DPT: variants seen among roughly 807,000 people sequenced by gnomAD.
DPT encodes the protein dermatopontin, also known as tyrosine-rich acidic matrix protein.
A neutral mutation model predicts 31.2 loss-of-function variants in DPT; 21 were observed. That is an observed-to-expected ratio of 0.67 (90% CI 0.48 to 0.97). The LOEUF (loss-of-function observed/expected upper bound fraction) is 0.97, where lower values mean the gene tolerates loss of function less well. DPT is among the 50% of genes least tolerant of loss of function. The pLI is 0.00. For synonymous variants in DPT, 91 were observed against 86.9 expected (o/e 1.05, Z -0.26); for missense variants, 262 against 258.8 (o/e 1.01, Z -0.08).
chr1:168,713,105 T>C (rs1054719697), intron 2 of DPT, among the ~76,000 whole-genome samples: 2 of 152,110 alleles, frequency 1.3e-5, no homozygotes, highest in African/African-American at 4.8e-5. Context: ...TTCTACCTCC[T>C]CCACTGCAAG....
At chr1:168,713,444 A>T (rs1192085035) in intron 2 of DPT, among the ~76,000 whole-genome samples, 1 of 152,214 alleles carries the variant, frequency 6.6e-6, no homozygotes, top group South Asian at 2.1e-4. Flanking sequence ...AACTGTAGAG[A>T]GATCAATCAC....
intron 2 of DPT, among the ~76,000 whole-genome samples, chr1:168,707,400 C>T (rs1649746239): frequency 6.6e-6 from 1 of 152,064 alleles, no homozygotes; most frequent in Non-Finnish European, 1.5e-5. Context: ...TAGAGGGAAG[C>T]AGACTAGATA....
Position 168,728,998 on chromosome 1 carries a change from C to T in DPT, c.177G>A (p.Val59=). 3 of 1,614,228 alleles carry T rather than the reference C, an allele frequency of 1.9e-6. No homozygotes were observed. The highest frequency in any genetic ancestry group is 2.5e-6 in the Non-Finnish European group (3 of 1,180,044). Residue 59 remains valine, a synonymous_variant, in exon 1 of 4, where the codon GTG becomes GTA. Transcript: ENST00000367817. ...CTTCCTTCTTGCTGAAGATGCTCCT[C>T]ACGGCCACTATCACCTGCCCCTGGG... ...QCPQGQVIVA[V]RSIFSKKEGS...
intron 3 of DPT, among the ~76,000 whole-genome samples, chr1:168,699,599 T>TAA (rs35423002): frequency 4.7e-5 from 7 of 147,644 alleles, no homozygotes; most frequent in African/African-American, 1.5e-4. Flanking sequence ...TTTTTTTTTT[T>TAA]AAAAAAAAAA....
Position 168,696,268 on chromosome 1 carries a change from T to A in DPT, c.*281A>T, listed in dbSNP as rs1649463687. The A allele has an allele frequency of 2.2e-6, 1 of 460,858 alleles. No individual in the cohort carries two copies. Among genetic ancestry groups the A allele is most frequent in the East Asian group, 3.3e-5 (1 of 30,360 alleles). 28.5% of individuals were successfully genotyped at this position (460,858 alleles called of 1,614,324 possible). On this transcript the variant is annotated 3_prime_UTR_variant, in exon 4 of 4. Transcript: ENST00000367817. ...TGCTCCAGAAGCCCGGCTGTAAGCA[T>A]GCGCACTGTATATGTGGTGTGCAAG... is the stretch of plus-strand genomic sequence containing the variant.
chr1:168,697,324 A>G (rs943708367), intron 3 of DPT, among the ~76,000 whole-genome samples: 1 of 152,200 alleles, frequency 6.6e-6, no homozygotes, highest in Non-Finnish European at 1.5e-5. Flanking sequence ...ACTCTTTCTG[A>G]GCACTTAACA....
intron 2 of DPT, among the ~76,000 whole-genome samples, chr1:168,713,206 C>T (rs1284096991): frequency 6.6e-6 from 1 of 152,170 alleles, no homozygotes; most frequent in African/African-American, 2.4e-5. Context: ...GTAAAAGCTG[C>T]TTTATGGAAG....
chr1:168,722,755 T>G (rs1042386513), intron 1 of DPT, among the ~76,000 whole-genome samples: 1 of 152,068 alleles, frequency 6.6e-6, no homozygotes. Flanking sequence ...ACGACTTGAG[T>G]AAAGGTAGTA....
At chr1:168,722,319 A>G (rs573409242) in intron 1 of DPT, among the ~76,000 whole-genome samples, 2 of 152,374 alleles carry the variant, frequency 1.3e-5, no homozygotes, top group South Asian at 4.1e-4. Flanking sequence ...ATTAAATTAT[A>G]TGTTCCAAAA....
At position 168,719,391 on chromosome 1, in the gene DPT, C is replaced by T. The variant is rs190107955; in HGVS notation, c.306-5045G>A. 3.3e-3 allele frequency among the ~76,000 whole-genome samples: 507 copies of T among 152,290 alleles called. 14 individuals are homozygous for T. The highest frequency in any genetic ancestry group is 7.8e-4 in the Non-Finnish European group (53 of 68,028). ...TAGCTGCAGGATTACAAACACAGAG[C>T]TAGGTGAGAAGAGAGGCAACTTCTA... is the stretch of plus-strand genomic sequence containing the variant. On this transcript the variant is annotated intron_variant, in intron 1 of 3. Coordinates refer to ENST00000367817, the MANE Select transcript of DPT (RefSeq NM_001937.5).
chr1:168,727,698 C>T (rs911580335), intron 1 of DPT, among the ~76,000 whole-genome samples: 10 of 108,466 alleles, frequency 9.2e-5, no homozygotes, highest in South Asian at 5.2e-4. Context: ...GCAACTACAC[C>T]GGGCTAATTT....
At chr1:168,708,828 G>A (rs761403561) in intron 2 of DPT, among the ~76,000 whole-genome samples, 3 of 152,188 alleles carry the variant, frequency 2.0e-5, no homozygotes, top group Admixed American at 6.5e-5. Context: ...CATTACAGGA[G>A]TGAACATGCA....
chr1:168,698,607 C>G (rs145817181), intron 3 of DPT, among the ~76,000 whole-genome samples: 1 of 152,088 alleles, frequency 6.6e-6, no homozygotes, highest in Non-Finnish European at 1.5e-5. Flanking sequence ...GGCAAATTTG[C>G]TCCCCAAGGG....
chr1:168,703,014 G>A (rs1189470602), intron 2 of DPT, among the ~76,000 whole-genome samples: 1 of 152,170 alleles, frequency 6.6e-6, no homozygotes, highest in East Asian at 1.9e-4. Flanking sequence ...TTAACCCAAG[G>A]AAAGAGAGGT....
At chr1:168,714,893 C>A (rs1283281734) in intron 1 of DPT, among the ~76,000 whole-genome samples, 1 of 152,230 alleles carries the variant, frequency 6.6e-6, no homozygotes, top group Non-Finnish European at 1.5e-5. Flanking sequence ...GTGCCCAGGG[C>A]AGCCCAGTAG....
rs747864571 is a variant in DPT, at chr1:168,701,010, T to C, written c.539+7A>G. On this transcript the variant is annotated splice_region_variant and intron_variant, in intron 3 of 3. Transcript: ENST00000367817. ...CTAGCCCATTGGGAAGGGGCTGTCT[T>C]TCTCACCTTTCCACTGCAGAGAAAG... 6.2e-7 allele frequency: 1 copy of C among 1,608,930 alleles called. No individual in the cohort carries two copies. Among genetic ancestry groups the C allele is most frequent in the Admixed American group, 1.7e-5 (1 of 59,968 alleles).
chr1:168,712,656 T>C (rs1217831779), intron 2 of DPT, among the ~76,000 whole-genome samples: 3 of 152,168 alleles, frequency 2.0e-5, no homozygotes, highest in African/African-American at 7.2e-5. Flanking sequence ...CTTTGGAACT[T>C]CCTTCATCCT....
intron 3 of DPT, among the ~76,000 whole-genome samples, chr1:168,700,115 A>G (rs1051236761): frequency 1.3e-5 from 2 of 152,088 alleles, no homozygotes; most frequent in African/African-American, 4.8e-5. Context: ...TAAAATTTAT[A>G]TATTGGAACC....
At chr1:168,718,469 T>TA (rs1650033917) in intron 1 of DPT, among the ~76,000 whole-genome samples, 1 of 152,248 alleles carries the variant, frequency 6.6e-6, no homozygotes, top group Non-Finnish European at 1.5e-5. Flanking sequence ...TAACCAAACA[T>TA]AACCCTCCTC....
Sources: allele counts gnomAD v4.1 joint callset (sites outside exome capture counted in the v4.1 genomes callset), GRCh38; gene constraint gnomAD v4.1.1; transcripts MANE v1.5; gene names NCBI Gene and HGNC (gene_info 2026-07-23, HGNC 2026-07-21).